The following TTC21B variants were observed in gnomAD, a reference collection of about 807,000 sequenced individuals.
The protein encoded by TTC21B is tetratricopeptide repeat domain 21B.
TTC21B carries 127 observed loss-of-function variants against 175.1 expected under a neutral mutation model. That is an observed-to-expected ratio of 0.73 (90% confidence interval 0.63 to 0.84). The LOEUF (loss-of-function observed/expected upper bound fraction) is 0.84. TTC21B is among the 40% of genes least tolerant of loss of function. The pLI is 0.00. For missense variants in TTC21B, 1,561 were observed against 1,558.3 expected (o/e 1.00, Z -0.03); for synonymous variants, 524 against 524.5 (o/e 1.00, Z 0.01).
In TTC21B at chr2:165,895,275, A is replaced by G. The variant is rs561287119; in HGVS notation, c.2950+3411T>C. ...ATTGCATTTATAAAAAATTGCTTTT[A>G]TATTTGTTTACAAACAGTCCAAAGC... On this transcript the variant is annotated intron_variant, in intron 22 of 28. Coordinates refer to ENST00000243344, the MANE Select transcript of TTC21B (RefSeq NM_024753.5). Among the ~76,000 whole-genome samples, 264 of 152,234 alleles carry G rather than the reference A, an allele frequency of 1.7e-3. 2 individuals are homozygous for G. Among genetic ancestry groups the G allele is most frequent in the Middle Eastern group, 3.4e-3 (1 of 294 alleles).
At chr2:165,927,413 C>T (rs1686721073) in intron 11 of TTC21B, among the ~76,000 whole-genome samples, 1 of 141,686 alleles carries the variant, frequency 7.1e-6, no homozygotes, top group Non-Finnish European at 1.5e-5. Context: ...TTACCCTCTT[C>T]ATGAGGCCTA....
Position 165,880,786 on chromosome 2 carries a change from G to A in TTC21B, c.3698C>T (p.Ala1233Val). The stretch of plus-strand genomic sequence containing the variant: ...CATAATGTATCCCATATATTCATAA[G>A]CTTTGCAGCAAGACTGAAGAAAAAT... ...CLRHNRSCCK[A>V]YEYMGYIMEK... Residue 1233 changes from alanine to valine, a missense_variant, in exon 27 of 29, where the codon GCT (alanine) becomes GTT (valine). Physicochemically the swap from Ala to Val is moderately conservative, Grantham distance 64. Transcript: ENST00000243344. The A allele has an allele frequency of 6.2e-7, 1 of 1,612,480 alleles. No homozygotes were observed. Among genetic ancestry groups the A allele is most frequent in the South Asian group, 1.1e-5 (1 of 91,006 alleles).
At chr2:165,941,504 T>C (rs903398603) in intron 5 of TTC21B, among the ~76,000 whole-genome samples, 1 of 90,844 alleles carries the variant, frequency 1.1e-5, no homozygotes, top group African/African-American at 3.7e-5. Context: ...GATTAAAATG[T>C]TTCCAGGAAA....
Position 165,919,320 on chromosome 2 carries a change from ATTT to A in TTC21B, c.1627_1629del (p.Lys543del). On this transcript the variant is annotated inframe_deletion, in exon 13 of 29. Coordinates refer to ENST00000243344, the MANE Select transcript of TTC21B (RefSeq NM_024753.5). Reference sequence around the variant, plus strand: ...CAAAGTTCAAGAGACTGAGAACACAATTTGACTTTTTCTTGAGACAAGTAAACC... The same window carrying A: ...CAAAGTTCAAGAGACTGAGAACACAAGACTTTTTCTTGAGACAAGTAAACC... The A allele has an allele frequency of 6.2e-7, 1 of 1,614,124 alleles. No individual in the cohort carries two copies. Among genetic ancestry groups the A allele is most frequent in the Non-Finnish European group, 8.5e-7 (1 of 1,179,996 alleles).
At chr2:165,950,598 G>GT (rs947827120) in intron 1 of TTC21B, among the ~76,000 whole-genome samples, 3 of 152,138 alleles carry the variant, frequency 2.0e-5, no homozygotes, top group African/African-American at 7.2e-5. Context: ...AAATCTAAGG[G>GT]TATCTAGACA....
chr2:165,880,544 T>G (rs1684803288), intron 27 of TTC21B, 135 bp downstream of exon 27: 4 of 938,554 alleles, frequency 4.3e-6, no homozygotes, highest in African/African-American at 1.7e-5. Flanking sequence ...AAATTTATTC[T>G]CCTTTCAGAA....
intron 25 of TTC21B, among the ~76,000 whole-genome samples, chr2:165,886,969 T>C (rs1685018677): frequency 6.6e-6 from 1 of 152,146 alleles, no homozygotes; most frequent in Non-Finnish European, 1.5e-5. Context: ...ATTACTTCAA[T>C]GTCTGCAGAA....
At chr2:165,881,667 T>A (rs1402577465) in intron 26 of TTC21B, among the ~76,000 whole-genome samples, 1 of 152,100 alleles carries the variant, frequency 6.6e-6, no homozygotes, top group Non-Finnish European at 1.5e-5. Context: ...CAATTTTGAT[T>A]CTGGAGGAGA....
At chr2:165,931,284 G>A (rs867009455) in intron 8 of TTC21B, among the ~76,000 whole-genome samples, 6 of 151,958 alleles carry the variant, frequency 3.9e-5, no homozygotes, top group African/African-American at 1.2e-4. Flanking sequence ...AGATTCTACT[G>A]TATTTTTCTA....
rs778812999 is a variant in TTC21B at position 165,890,978 on chromosome 2, C to T, written c.2961G>A (p.Met987Ile). ...QLLERKPDNY[M>I]TLSRLIDLLR... ...GGAGATCAATCAAACGAGATAATGT[C>T]ATATAATTATCTAGAAACAAATAAT... Residue 987 changes from methionine to isoleucine, a missense_variant, in exon 23 of 29, where the codon ATG becomes ATA. By Grantham distance (10) the Met-to-Ile change is conservative (BLOSUM62 1). Coordinates refer to ENST00000243344, the MANE Select transcript of TTC21B (RefSeq NM_024753.5). The T allele has an allele frequency of 2.6e-5, 42 of 1,611,082 alleles. No individual in the cohort carries two copies. The highest frequency in any genetic ancestry group is 3.6e-5 in the Non-Finnish European group (42 of 1,177,704).
chr2:165,895,729 T>C (rs939220961), intron 22 of TTC21B, among the ~76,000 whole-genome samples: 1 of 152,136 alleles, frequency 6.6e-6, no homozygotes, highest in Admixed American at 6.5e-5. Context: ...GCCCATATTT[T>C]GGACCCAGAG....
chr2:165,934,517 A>AT (rs555660173), intron 6 of TTC21B, among the ~76,000 whole-genome samples: 1 of 116,594 alleles, frequency 8.6e-6, no homozygotes, highest in Non-Finnish European at 1.8e-5. Context: ...AAAAAAAAAA[A>AT]AAAAGAAAAG....
At chr2:165,914,698 T>TGTGTGTGTGTGTGTGTGTGTGTGTGTGTC (rs71031214) in intron 15 of TTC21B, among the ~76,000 whole-genome samples, 1 of 132,376 alleles carries the variant, frequency 7.6e-6, no homozygotes, top group Admixed American at 7.5e-5. Flanking sequence ...TGTGTGTGTG[T>TGTGTGTGTGTGTGTGTGTGTGTGTGTGTC]TGTGTATCCC....
intron 18 of TTC21B, among the ~76,000 whole-genome samples, chr2:165,908,366 T>A (rs1685814957): frequency 6.6e-6 from 1 of 152,190 alleles, no homozygotes; most frequent in African/African-American, 2.4e-5. Context: ...TGCAAGATTT[T>A]AATAGCTAAT....
At chr2:165,897,678 G>A (rs1453379842) in intron 22 of TTC21B, among the ~76,000 whole-genome samples, 3 of 152,128 alleles carry the variant, frequency 2.0e-5, no homozygotes, top group Non-Finnish European at 2.9e-5. Context: ...CCACGCACCT[G>A]GACAAAGTCA....
At chr2:165,947,354 T>A (rs543079092) in intron 3 of TTC21B, 1 of 151,260 alleles carries the variant, frequency 6.6e-6, no homozygotes, top group East Asian at 2.0e-4. Context: ...ATGTGACTCT[T>A]CCTTTCAACT....
chr2:165,891,012 T>G (rs746936719), intron 22 of TTC21B, 24 bp from the exon 23 acceptor site: 18 of 1,583,120 alleles, frequency 1.1e-5, no homozygotes, highest in Non-Finnish European at 1.6e-5. Context: ...ATACTTCAGA[T>G]ATGGGCACCA....
chr2:165,886,758 T>C (rs1278226426), intron 25 of TTC21B, among the ~76,000 whole-genome samples: 3 of 152,210 alleles, frequency 2.0e-5, no homozygotes, highest in African/African-American at 7.2e-5. Context: ...TTAGTCAAAA[T>C]AAACTTTCTC....
At chr2:165,913,352 G>A (rs1356876185) in intron 16 of TTC21B, among the ~76,000 whole-genome samples, 2 of 152,034 alleles carry the variant, frequency 1.3e-5, no homozygotes, top group African/African-American at 4.8e-5. Flanking sequence ...TAACAATAGT[G>A]CTGAATTACT....
Sources: allele counts gnomAD v4.1 joint callset (sites outside exome capture counted in the v4.1 genomes callset), GRCh38; gene constraint gnomAD v4.1.1; transcripts MANE v1.5; gene names NCBI Gene and HGNC (gene_info 2026-07-23, HGNC 2026-07-21).